Variants in LRP12 observed in about 807,000 individuals in gnomAD.
LRP12 encodes the protein low-density lipoprotein receptor-related protein 12.
LRP12 carries 14 observed loss-of-function variants against 66.0 expected under a neutral mutation model. The ratio of observed to expected loss-of-function variants is 0.21; its 90% CI spans 0.14 to 0.33. LRP12 has a LOEUF of 0.33. Ranked by LOEUF, LRP12 falls within the 10% of genes least tolerant of loss-of-function variation. LRP12 has a pLI of 1.00. For synonymous variants in LRP12, 357 were observed against 359.1 expected, an observed-to-expected ratio of 0.99 and a Z score of 0.07; for missense variants, 889 against 1,053.4, an observed-to-expected ratio of 0.84 and a Z score of 2.16.
In LRP12 at chr8:104,490,699, C is replaced by T. The variant is rs375726206; in HGVS notation, c.2554G>A (p.Asp852Asn). 4.3e-6 allele frequency: 7 copies of T among 1,612,858 alleles called. No individual in the cohort carries two copies. In the African/African-American group the frequency reaches 9.3e-5, roughly 22 times the overall value. ...TAACAAAGTAACAAAGCCTCATCAT[C>T]ACTCGTTTCGTTTTTCAGTGTTACT... ...LEVTLKNETS[D>N]DEALLLC Residue 852 changes from aspartate to asparagine, a missense_variant, in exon 7 of 7, where the codon GAT (aspartate) becomes AAT (asparagine). By Grantham distance (23) the Asp-to-Asn change is conservative. Transcript: ENST00000276654.
Position 104,517,866 on chromosome 8 carries a change from T to C in LRP12, c.137-8792A>G, listed in dbSNP as rs188853381. 2.8e-3 allele frequency among the ~76,000 whole-genome samples: 430 copies of C among 152,146 alleles called. 1 individual carries two copies. Among genetic ancestry groups the C allele is most frequent in the Non-Finnish European group, 3.8e-3 (258 of 67,972 alleles). On this transcript the variant is annotated intron_variant, in intron 2 of 6. Transcript: ENST00000276654. ...CCAAAATAAAAATTTGGTAAGCAAA[T>C]GGTGTCTGGATTGAATGGCCATATG... is the stretch of plus-strand genomic sequence containing the variant.
intron 1 of LRP12, among the ~76,000 whole-genome samples, chr8:104,578,266 T>C (rs1381003987): frequency 6.6e-6 from 1 of 152,076 alleles, no homozygotes; most frequent in Non-Finnish European, 1.5e-5. Context: ...CAAACACCTG[T>C]ATGCACATAA....
At chr8:104,495,644 C>T (rs781689011) in intron 5 of LRP12, 3 of 153,702 alleles carry the variant, frequency 2.0e-5, no homozygotes, top group Non-Finnish European at 2.9e-5. Flanking sequence ...ATGCAGTGGT[C>T]GGGCGCCGTG....
At chr8:104,517,359 T>C (rs1401383564) in intron 2 of LRP12, among the ~76,000 whole-genome samples, 1 of 151,778 alleles carries the variant, frequency 6.6e-6, no homozygotes, top group Non-Finnish European at 1.5e-5. Context: ...GAACAAAAGA[T>C]TTCTTTCATA....
At chr8:104,499,619 G>A in intron 3 of LRP12, 100 bp from the exon 4 acceptor site, 1 of 699,736 alleles carries the variant, frequency 1.4e-6, no homozygotes, top group Non-Finnish European at 2.3e-6. Flanking sequence ...TCCATATACT[G>A]ACTGATTCTC....
At chr8:104,543,695 G>T (rs1006566385) in intron 1 of LRP12, among the ~76,000 whole-genome samples, 1 of 152,204 alleles carries the variant, frequency 6.6e-6, no homozygotes, top group African/African-American at 2.4e-5. Context: ...GCCAAGGTGG[G>T]TGGATCACCT....
intron 1 of LRP12, among the ~76,000 whole-genome samples, chr8:104,565,688 G>A (rs1185453013): frequency 4.6e-5 from 7 of 151,832 alleles, no homozygotes; most frequent in Non-Finnish European, 1.0e-4. Context: ...GTGAAACTCC[G>A]TCTTTACTAA....
At position 104,499,435 on chromosome 8, in the gene LRP12, G is replaced by A; in HGVS notation, c.357C>T (p.Tyr119=). The A allele has an allele frequency of 6.2e-7, 1 of 1,613,490 alleles. No individual in the cohort carries two copies. Among genetic ancestry groups the A allele is most frequent in the Non-Finnish European group, 8.5e-7 (1 of 1,179,610 alleles). The change falls in exon 4 of 7, where the codon TAC becomes TAT. Residue 119 remains tyrosine, a synonymous_variant. Transcript: ENST00000276654. ...TIETYKNIES[Y]RACGSTIPPP... ...GTGGAATTGTGGAACCACAAGCTCT[G>A]TAACTTTCAATATTCTTGTATGTTT...
chr8:104,509,135 T>A, intron 2 of LRP12, 61 bp from the exon 3 acceptor site: 1 of 1,497,708 alleles, frequency 6.7e-7, no homozygotes, highest in Non-Finnish European at 9.0e-7. Context: ...ATTAGGTAAA[T>A]CAGTGTTTAT....
intron 2 of LRP12, 47 bp downstream of exon 2, chr8:104,531,860 C>A: frequency 7.9e-7 from 1 of 1,263,850 alleles, no homozygotes. Context: ...TCAATATTTA[C>A]CATATAAGTC....
In LRP12 at chr8:104,497,137, G is replaced by A. The variant is rs199741598; in HGVS notation, c.1415C>T (p.Ser472Phe). The change falls in exon 5 of 7, where the codon TCT becomes TTT. Residue 472 changes from serine to phenylalanine, a missense_variant. Coordinates refer to ENST00000276654, the MANE Select transcript of LRP12 (RefSeq NM_013437.5). The surrounding 1 kb of genome is among the most constrained non-coding windows in gnomAD (Gnocchi z 4.3). Reference protein sequence around the residue: ...RCVFESWVCDSQDDCGDGSDE... With the variant: ...RCVFESWVCDFQDDCGDGSDE... ...GCTGCCATCACCACAGTCATCTTGA[G>A]AATCACACACCCAACTTTCAAACAC... The A allele has an allele frequency of 1.2e-5, 20 of 1,612,710 alleles. No homozygotes were observed. The highest frequency in any genetic ancestry group is 1.7e-5 in the Non-Finnish European group (20 of 1,179,322).
intron 6 of LRP12, among the ~76,000 whole-genome samples, chr8:104,492,863 A>G (rs192783161): frequency 6.6e-6 from 1 of 152,296 alleles, no homozygotes; most frequent in African/African-American, 2.4e-5. Flanking sequence ...AAAAAAAGAA[A>G]AAGAAAAAGC....
At chr8:104,523,967 T>C in intron 2 of LRP12, among the ~76,000 whole-genome samples, 1 of 152,050 alleles carries the variant, frequency 6.6e-6, no homozygotes, top group Non-Finnish European at 1.5e-5. Flanking sequence ...CATTTAAGCC[T>C]GGGCACGGTG....
chr8:104,530,271 C>A lies in LRP12; in HGVS notation c.136+1636G>T, dbSNP rs568906658. ...TTGTTACAGACTGAATTGTGTCCCCCCTCAAGCCCATATGTGGAAGCCCTA... is the reference window on the plus strand; with the variant it reads ...TTGTTACAGACTGAATTGTGTCCCCACTCAAGCCCATATGTGGAAGCCCTA... On this transcript the variant is annotated intron_variant, in intron 2 of 6. Coordinates refer to ENST00000276654, the MANE Select transcript of LRP12 (RefSeq NM_013437.5). Among the ~76,000 whole-genome samples the A allele has an allele frequency of 2.6e-5, 4 of 152,182 alleles. No homozygotes were observed. In the East Asian group the frequency reaches 7.7e-4, roughly 29 times the overall value.
intron 1 of LRP12, chr8:104,566,275 G>A: frequency 2.4e-6 from 1 of 424,684 alleles, no homozygotes; most frequent in Non-Finnish European, 3.9e-6. Flanking sequence ...AGAACCAGAT[G>A]TTAAAAAATT....
intron 4 of LRP12, 39 bp from the exon 5 acceptor site, chr8:104,498,115 A>T: frequency 6.6e-7 from 1 of 1,508,724 alleles, no homozygotes; most frequent in Non-Finnish European, 8.9e-7. Context: ...AAAGAGAAGG[A>T]GAAAAATTAT....
chr8:104,524,700 T>C (rs1309868480), intron 2 of LRP12, among the ~76,000 whole-genome samples: 1 of 152,180 alleles, frequency 6.6e-6, no homozygotes, highest in African/African-American at 2.4e-5. Context: ...TATACTACTA[T>C]TAATTATTGT....
rs966905422 is a variant in LRP12, at chr8:104,543,250, C to A, written c.80-11287G>T. On this transcript the variant is annotated intron_variant, in intron 1 of 6. Transcript: ENST00000276654. Reference sequence around the variant, plus strand: ...TGTGGCATCCCTACATAGAGCAAGTCTATCAGTACCATTTTTCCAAGAGAA... The same window carrying A: ...TGTGGCATCCCTACATAGAGCAAGTATATCAGTACCATTTTTCCAAGAGAA... Among the ~76,000 whole-genome samples, 6 of 152,040 alleles carry A rather than the reference C, an allele frequency of 3.9e-5. No individual in the cohort carries two copies. In the East Asian group the frequency reaches 5.8e-4, roughly 15 times the overall value.
At chr8:104,549,123 A>G (rs1811687590) in intron 1 of LRP12, among the ~76,000 whole-genome samples, 2 of 151,954 alleles carry the variant, frequency 1.3e-5, no homozygotes, top group South Asian at 4.1e-4. Flanking sequence ...TTAAATATAC[A>G]TTCAAGTAAT....
Sources: gnomAD v4.1 joint callset for allele counts (sites outside exome capture counted in the v4.1 genomes callset) on GRCh38, gnomAD v4.1.1 for gene constraint, Gnocchi (gnomAD v3.1) non-coding constraint, MANE v1.5 for transcripts, NCBI Gene and HGNC (gene_info 2026-07-23, HGNC 2026-07-21) for gene names.